INF2: variants seen among roughly 807,000 people sequenced by gnomAD.
INF2 encodes the protein inverted formin 2.
Under a neutral mutation model 123.5 loss-of-function variants are expected in INF2, and 43 were observed. The ratio of observed to expected loss-of-function variants is 0.35; its 90% CI spans 0.27 to 0.45. The LOEUF is 0.45. Among genes scored for constraint, INF2 ranks in the 20% least tolerant of loss-of-function variants. The pLI, the probability that INF2 is intolerant of heterozygous loss-of-function variation, is 1.00. For synonymous variants in INF2, 851 were observed against 745.0 expected (o/e 1.14, Z -2.32); for missense variants, 1,453 against 1,682.7 (o/e 0.86, Z 2.39).
rs770151373 is a variant in INF2 at position 104,714,219 on chromosome 14, T to C, written c.3057T>C (p.Pro1019=). Residue 1019 remains proline (P), a synonymous_variant, in exon 21 of 23, where the codon CCT becomes CCC. Coordinates refer to ENST00000392634, the MANE Select transcript of INF2 (RefSeq NM_022489.4). ...RATEPVATSN[P]AGDPVGSTRC... ...TCCATCCAGTGGCCACCAGTAACCC[T>C]GCAGGAGATCCCGTGGGCAGCACGC... 35 of 1,546,082 alleles carry C rather than the reference T, an allele frequency of 2.3e-5. No individual in the cohort carries two copies. Among genetic ancestry groups the C allele is most frequent in the Non-Finnish European group, 3.0e-5 (34 of 1,148,100 alleles).
intron 1 of INF2, among the ~76,000 whole-genome samples, chr14:104,693,992 A>G (rs1305107045): frequency 1.3e-5 from 2 of 152,202 alleles, no homozygotes; most frequent in Middle Eastern, 3.2e-3. Context: ...GTGCACAGAC[A>G]TGAGTGGCCT....
At chr14:104,705,142 C>T (rs760656929) in intron 5 of INF2, among the ~76,000 whole-genome samples, 2 of 152,278 alleles carry the variant, frequency 1.3e-5, no homozygotes, top group Non-Finnish European at 2.9e-5. Flanking sequence ...AGGGGCCAGG[C>T]GCGGTGGCTC....
At position 104,699,597 on chromosome 14, in the gene INF2, G is replaced by A; in HGVS notation, c.-9-1760G>A. On this transcript the variant is annotated intron_variant, in intron 1 of 22. Coordinates refer to ENST00000392634, the MANE Select transcript of INF2 (RefSeq NM_022489.4). This position sits in a 1 kb window ranked among gnomAD's most constrained non-coding sequence, Gnocchi z 4.7. ...GGTGGCCGGAAGGTCTTGCGCATCT[G>A]GGTGAGTGGACGGCCACTGGGTGAC... The A allele has an allele frequency of 1.0e-6, 1 of 984,482 alleles. No individual in the cohort carries two copies. Among genetic ancestry groups the A allele is most frequent in the Non-Finnish European group, 1.2e-6 (1 of 829,596 alleles). The allele number at this position is 984,482 out of a possible 1,614,324, so 61.0% of individuals were successfully genotyped here. A position where few individuals can be genotyped will look rare whatever the true frequency, so the allele number is the denominator to read the frequency against.
At chr14:104,687,062 G>A (rs1216483750), upstream of INF2, among the ~76,000 whole-genome samples, 2 of 152,218 alleles carry the variant, frequency 1.3e-5, no homozygotes, top group Non-Finnish European at 2.9e-5. This position sits in a 1 kb window ranked among gnomAD's most constrained non-coding sequence, Gnocchi z 5.6. Flanking sequence ...ACCTGCAGCT[G>A]GGGGCCGGCA....
In INF2 at chr14:104,708,750, C is replaced by T. The variant is rs1484348980; in HGVS notation, c.1949+18C>T. The T allele has an allele frequency of 3.7e-6, 6 of 1,611,890 alleles. No individual in the cohort carries two copies. The African/African-American group carries it at 4.0e-5, about 11-fold the overall frequency. ...TTTAAGTGGTGAGTGAGGGAGGTAGCCCCCATCCCAGGCCACGGAGCCTCG... is the reference window on the plus strand; with the variant it reads ...TTTAAGTGGTGAGTGAGGGAGGTAGTCCCCATCCCAGGCCACGGAGCCTCG... On this transcript the variant is annotated intron_variant, in intron 10 of 22. Coordinates refer to ENST00000392634, the MANE Select transcript of INF2 (RefSeq NM_022489.4).
chr14:104,689,587 T>TACAGCC, upstream of INF2: 1 of 851,068 alleles, frequency 1.2e-6, no homozygotes, highest in Non-Finnish European at 1.4e-6. Context: ...CACCTCCTCT[T>TACAGCC]CCTCCCGCCC....
intron 1 of INF2, chr14:104,691,361 TG>T (rs1337088445): frequency 6.6e-6 from 1 of 152,252 alleles, no homozygotes; most frequent in Non-Finnish European, 1.5e-5. Context: ...AGGACGCAGC[TG>T]GCCCAGCTCT....
chr14:104,701,987 G>A (rs1415045517), intron 2 of INF2, among the ~76,000 whole-genome samples: 2 of 152,136 alleles, frequency 1.3e-5, no homozygotes, highest in South Asian at 2.1e-4. Flanking sequence ...CTGCACCAGC[G>A]GTCCCCCTGT....
intron 15 of INF2, among the ~76,000 whole-genome samples, chr14:104,711,420 C>G (rs1204554374): frequency 6.6e-6 from 1 of 152,200 alleles, no homozygotes; most frequent in Non-Finnish European, 1.5e-5. Context: ...CCCCAGGATA[C>G]CTGTCCCTGA....
chr14:104,708,880 C>T lies in INF2; in HGVS notation c.1949+148C>T, dbSNP rs1889907558. On this transcript the variant is annotated intron_variant, in intron 10 of 22. Transcript: ENST00000392634. The stretch of plus-strand genomic sequence containing the variant: ...GCAGGATTGTAGGCGGGTAATAGCC[C>T]CATGCTGCCCCAGCTAGGGGCTGTC... The T allele has an allele frequency of 3.0e-5, 26 of 875,064 alleles. No homozygotes were observed. In the South Asian group the frequency reaches 3.1e-4, roughly 11 times the overall value. The allele number at this position is 875,064 out of a possible 1,614,324, so 54.2% of individuals were successfully genotyped here.
rs886050383 is a variant in INF2, at chr14:104,714,352, T to C, written c.3190T>C (p.Leu1064=). Reference sequence around the variant, plus strand: ...CGGCCCTCAGCCCACCCTGGAGCAGTTGGAGGAGGGTGGTCCACGGCCCCT... The same window carrying C: ...CGGCCCTCAGCCCACCCTGGAGCAGCTGGAGGAGGGTGGTCCACGGCCCCT... ...TPGPQPTLEQ[L]EEGGPRPLER... is the part of the protein sequence containing the mutation. Residue 1064 remains leucine (L), a synonymous_variant, in exon 21 of 23, where the codon TTG becomes CTG. Coordinates refer to ENST00000392634, the MANE Select transcript of INF2 (RefSeq NM_022489.4). 13 of 1,596,666 alleles carry C rather than the reference T, an allele frequency of 8.1e-6. No individual in the cohort carries two copies. The highest frequency in any genetic ancestry group is 1.1e-5 in the South Asian group (1 of 88,688).
Position 104,703,055 on chromosome 14 carries a change from T to C in INF2, c.392-50T>C, listed in dbSNP as rs1366206753. The C allele has an allele frequency of 2.1e-6, 3 of 1,451,264 alleles. No homozygotes were observed. In the South Asian group the frequency reaches 3.5e-5, roughly 17 times the overall value. The allele number at this position is 1,451,264 out of a possible 1,614,324, so 89.9% of individuals were successfully genotyped here. On this transcript the variant is annotated intron_variant, in intron 2 of 22. Transcript: ENST00000392634. The stretch of plus-strand genomic sequence containing the variant: ...AGCCCTGAGCCCAGCTGCACAGGCA[T>C]GGGAAGGGGTGCATTGGCCCTGCTG...
intron 10 of INF2, among the ~76,000 whole-genome samples, chr14:104,709,001 CT>C (rs943489591): frequency 6.6e-6 from 1 of 152,220 alleles, no homozygotes; most frequent in African/African-American, 2.4e-5. Flanking sequence ...CCCCCGAGTC[CT>C]TTCCTGCTGC....
At chr14:104,715,721 CGCTAACT>C (rs1232696142) in intron 22 of INF2, 1 of 521,486 alleles carries the variant, frequency 1.9e-6, no homozygotes, top group Non-Finnish European at 3.7e-6. Flanking sequence ...GGTGTCCTGG[CGCTAACT>C]GCAGTTCCAG....
chr14:104,697,710 CAG>C (rs1280808269), intron 1 of INF2, among the ~76,000 whole-genome samples: 4 of 152,258 alleles, frequency 2.6e-5, no homozygotes, highest in African/African-American at 9.6e-5. Context: ...GAGCTAGAGT[CAG>C]GGGAGAGGCA....
Position 104,699,676 on chromosome 14 carries a change from C to T in INF2, c.-9-1681C>T, listed in dbSNP as rs376129198. 51 of 798,448 alleles carry T rather than the reference C, an allele frequency of 6.4e-5. No individual in the cohort carries two copies. The African/African-American group carries it at 8.3e-4, about 13-fold the overall frequency. 49.5% of individuals were successfully genotyped at this position (798,448 alleles called of 1,614,324 possible). Reference sequence around the variant, plus strand: ...TAAAACCACAGTGCACCGGGGGCTCCGGGCTCTCCGTTCTACAGTGCCCAG... The same window carrying T: ...TAAAACCACAGTGCACCGGGGGCTCTGGGCTCTCCGTTCTACAGTGCCCAG... On this transcript the variant is annotated intron_variant, in intron 1 of 22. Coordinates refer to ENST00000392634, the MANE Select transcript of INF2 (RefSeq NM_022489.4). This position sits in a 1 kb window ranked among gnomAD's most constrained non-coding sequence, Gnocchi z 4.7.
rs370783381 is a variant in INF2 at position 104,713,459 on chromosome 14, G to A, written c.2893G>A (p.Gly965Arg). The A allele has an allele frequency of 1.1e-5, 17 of 1,610,768 alleles. 1 individual carries two copies. The highest frequency in any genetic ancestry group is 3.3e-4 in the Middle Eastern group (2 of 6,074). Residue 965 changes from glycine to arginine, a missense_variant, in exon 20 of 23, where the codon GGG (glycine) becomes AGG (arginine). Gly to Arg is a moderately radical substitution (Grantham distance 125, BLOSUM62 -2). Coordinates refer to ENST00000392634, the MANE Select transcript of INF2 (RefSeq NM_022489.4). ...ACGCTCCTCAGTCAGGAAGGGGCCC[G>A]GGAAGCAGGAGGAGGTGTGTGTCAT... ...EDGKPVRKGP[G>R]KQEEVCVIDA...
intron 12 of INF2, 66 bp from the exon 13 acceptor site, chr14:104,710,022 G>A (rs1889970540): frequency 1.4e-5 from 19 of 1,339,630 alleles, no homozygotes; most frequent in Non-Finnish European, 1.9e-5. Flanking sequence ...GCCCTGTGCT[G>A]AGTGCCCCTC....
At position 104,707,788 on chromosome 14, in the gene INF2, GCCT is replaced by G; in HGVS notation, c.1522_1524del (p.Pro508del). ...GCCCGCCCCCACCCCCACCCCTGCT[GCCT>G]GGTATGGGCTGGGGCCCTCCTCCAC... On this transcript the variant is annotated inframe_deletion, in exon 8 of 23. Coordinates refer to ENST00000392634, the MANE Select transcript of INF2 (RefSeq NM_022489.4). 7.3e-7 allele frequency: 1 copy of G among 1,368,580 alleles called. No individual in the cohort carries two copies. Among genetic ancestry groups the G allele is most frequent in the Non-Finnish European group, 1.0e-6 (1 of 1,002,216 alleles). 84.8% of individuals were successfully genotyped at this position (1,368,580 alleles called of 1,614,324 possible).
Sources: gnomAD v4.1 joint callset for allele counts (sites outside exome capture counted in the v4.1 genomes callset) on GRCh38, gnomAD v4.1.1 for gene constraint, Gnocchi (gnomAD v3.1) non-coding constraint, MANE v1.5 for transcripts, NCBI Gene and HGNC (gene_info 2026-07-23, HGNC 2026-07-21) for gene names.